The following CUL3 variants were observed in gnomAD, a reference collection of about 807,000 sequenced individuals.
CUL3 encodes cullin 3.
Under a neutral mutation model 89.1 loss-of-function variants are expected in CUL3, and 19 were observed. That is an observed-to-expected ratio of 0.21 (90% confidence interval 0.15 to 0.31). The LOEUF (loss-of-function observed/expected upper bound fraction) is 0.31, where lower values mean the gene tolerates loss of function less well. Among genes scored for constraint, CUL3 ranks in the 10% least tolerant of loss-of-function variants. CUL3 has a pLI of 1.00. For synonymous variants in CUL3, 351 were observed against 308.4 expected (o/e 1.14, Z -1.45); for missense variants, 469 against 942.3 (o/e 0.50, Z 6.58).
At chr2:224,559,195 T>C (rs1291381227) in intron 1 of CUL3, among the ~76,000 whole-genome samples, 1 of 152,086 alleles carries the variant, frequency 6.6e-6, no homozygotes, top group Non-Finnish European at 1.5e-5. Flanking sequence ...CCTGTAATCC[T>C]ACCTAGCATT....
intron 4 of CUL3, 119 bp from the exon 5 acceptor site, chr2:224,513,757 A>G (rs1692928968): frequency 3.0e-6 from 2 of 659,716 alleles, no homozygotes; most frequent in Non-Finnish European, 5.1e-6. Context: ...TGAAGTGACC[A>G]ATCTCCAATA....
chr2:224,495,142 A>G (rs1692120940), intron 13 of CUL3: 1 of 150,902 alleles, frequency 6.6e-6, no homozygotes, highest in Non-Finnish European at 1.5e-5. Flanking sequence ...AAAAAAAAAG[A>G]AAATTAAATC....
chr2:224,533,613 T>A (rs1261761581), intron 3 of CUL3, among the ~76,000 whole-genome samples: 1 of 152,256 alleles, frequency 6.6e-6, no homozygotes, highest in Non-Finnish European at 1.5e-5. Context: ...TCTATCTTAA[T>A]GTTAGATAGT....
At chr2:224,512,253 G>A (rs1473196368) in intron 5 of CUL3, among the ~76,000 whole-genome samples, 3 of 151,858 alleles carry the variant, frequency 2.0e-5, no homozygotes, top group Non-Finnish European at 4.4e-5. Context: ...CCGCCACCAC[G>A]CCCGGCTAAT....
At position 224,514,815 on chromosome 2, in the gene CUL3, CATA is replaced by C. The variant is rs376165249; in HGVS notation, c.379-46_379-44del. ...TAAATATGAGTACAGTTCTTGTGAG[CATA>C]ATAATTATTGTGTGCTACAATAACA... On this transcript the variant is annotated intron_variant, in intron 3 of 15. Coordinates refer to ENST00000264414, the MANE Select transcript of CUL3 (RefSeq NM_003590.5). 7.3e-5 allele frequency: 100 copies of C among 1,367,448 alleles called. No homozygotes were observed. The East Asian group carries it at 2.1e-3, about 28-fold the overall frequency. The allele number at this position is 1,367,448 out of a possible 1,614,324, so 84.7% of individuals were successfully genotyped here.
intron 13 of CUL3, among the ~76,000 whole-genome samples, chr2:224,493,989 T>A (rs1438678840): frequency 6.6e-6 from 1 of 152,156 alleles, no homozygotes; most frequent in East Asian, 1.9e-4. Context: ...AAATTCAAGG[T>A]TACTCCCTAG....
At chr2:224,535,776 A>G in intron 2 of CUL3, 135 bp from the exon 3 acceptor site, 1 of 654,090 alleles carries the variant, frequency 1.5e-6, no homozygotes, top group Admixed American at 2.4e-5. Context: ...AGGCTAGTAG[A>G]AATATTTTAA....
chr2:224,572,620 GA>G (rs1695206740), intron 1 of CUL3, among the ~76,000 whole-genome samples: 2 of 129,858 alleles, frequency 1.5e-5, no homozygotes, highest in Admixed American at 1.6e-4. Flanking sequence ...CAGCCTGGGT[GA>G]GAGTGAGAGA....
intron 3 of CUL3, among the ~76,000 whole-genome samples, chr2:224,532,579 A>G (rs1223484733): frequency 6.6e-6 from 1 of 152,188 alleles, no homozygotes; most frequent in Non-Finnish European, 1.5e-5. Flanking sequence ...TAGAAGCTTA[A>G]CTGTAATGTA....
chr2:224,557,906 C>CAAAAAAA, intron 1 of CUL3, 50 bp from the exon 2 acceptor site: 1 of 683,270 alleles, frequency 1.5e-6, no homozygotes, highest in Non-Finnish European at 2.2e-6. Context: ...AAAAAAAAAA[C>CAAAAAAA]CAATGGTTGA....
chr2:224,528,783 T>A (rs554407968), intron 3 of CUL3, among the ~76,000 whole-genome samples: 27 of 152,224 alleles, frequency 1.8e-4, no homozygotes, highest in African/African-American at 6.5e-4. Flanking sequence ...TCTCTCCCCA[T>A]TCCTTTGAAT....
intron 1 of CUL3, among the ~76,000 whole-genome samples, chr2:224,562,017 C>T (rs1007098542): frequency 1.3e-5 from 2 of 152,190 alleles, no homozygotes; most frequent in African/African-American, 4.8e-5. Flanking sequence ...ATCATCTTTA[C>T]AGGCTCTATA....
chr2:224,505,044 T>A (rs1165553813), intron 8 of CUL3, among the ~76,000 whole-genome samples: 4 of 152,116 alleles, frequency 2.6e-5, no homozygotes, highest in African/African-American at 7.2e-5. Flanking sequence ...AACAACACTC[T>A]CTACTAGAAA....
At chr2:224,482,152 C>T (rs958155296) in intron 13 of CUL3, 74 bp from the exon 14 acceptor site, 1 of 1,148,372 alleles carries the variant, frequency 8.7e-7, no homozygotes, top group Non-Finnish European at 1.2e-6. Context: ...GTAAACTGAC[C>T]AAGCAGTAGT....
In CUL3 at chr2:224,581,702, A is replaced by G. The variant is rs563564935; in HGVS notation, c.66+3242T>C. Among the ~76,000 whole-genome samples, 44 of 151,820 alleles carry G rather than the reference A, an allele frequency of 2.9e-4. 1 individual carries two copies. The highest frequency in any genetic ancestry group is 3.9e-4 in the Admixed American group (6 of 15,264). On this transcript the variant is annotated intron_variant, in intron 1 of 15. Transcript: ENST00000264414. ...ATTTTTAGTAGAGACAGGGGTTTGC[A>G]TGTTGGCCAGGCTGGTCTCCAACTC...
At chr2:224,513,311 T>C (rs931709787) in intron 5 of CUL3, among the ~76,000 whole-genome samples, 23 of 152,158 alleles carry the variant, frequency 1.5e-4, no homozygotes, top group African/African-American at 4.8e-4. Flanking sequence ...TTAAAAACCA[T>C]GTGTGTAAGT....
At chr2:224,505,701 G>A (rs1251850325) in intron 8 of CUL3, 2 of 214,776 alleles carry the variant, frequency 9.3e-6, no homozygotes, top group African/African-American at 4.6e-5. Context: ...CTCCCCAAAT[G>A]CTGGGATTAT....
chr2:224,542,592 G>C (rs35260589), intron 2 of CUL3, among the ~76,000 whole-genome samples: 14,549 of 152,010 alleles, frequency 0.096, 920 homozygotes, highest in East Asian at 0.26. Flanking sequence ...TGCGTGTGTA[G>C]GTAAGGGGTC....
At chr2:224,551,348 G>A (rs965235409) in intron 2 of CUL3, among the ~76,000 whole-genome samples, 1 of 151,994 alleles carries the variant, frequency 6.6e-6, no homozygotes, top group Non-Finnish European at 1.5e-5. Context: ...TGGGACTACA[G>A]GTGCCCGCCA....
Sources: gnomAD v4.1 joint callset for allele counts (sites outside exome capture counted in the v4.1 genomes callset) on GRCh38, gnomAD v4.1.1 for gene constraint, MANE v1.5 for transcripts, NCBI Gene and HGNC (gene_info 2026-07-23, HGNC 2026-07-21) for gene names.